Variants in MYT1L observed in about 807,000 individuals in gnomAD.
MYT1L encodes the protein myelin transcription factor 1-like protein.
In MYT1L, 12 loss-of-function variants were observed where a neutral mutation model predicts 126.7. That is an observed-to-expected ratio of 0.09 (90% CI 0.06 to 0.15). The LOEUF (loss-of-function observed/expected upper bound fraction) is 0.15. Among genes scored for constraint, MYT1L ranks in the 10% least tolerant of loss-of-function variants. The pLI is 1.00. For missense variants in MYT1L, 979 were observed against 1,585.2 expected (o/e 0.62, Z 6.49); for synonymous variants, 541 against 604.2 (o/e 0.90, Z 1.53).
chr2:1,856,073 A>AAAAAC (rs906967577), intron 18 of MYT1L, among the ~76,000 whole-genome samples: 2 of 152,204 alleles, frequency 1.3e-5, no homozygotes, highest in African/African-American at 4.8e-5. Flanking sequence ...CGAATTCTAA[A>AAAAAC]AAAACAAAAC....
rs1260800536 is a variant in MYT1L at position 1,887,705 on chromosome 2, T to C, written c.2521-96A>G. ...TGGCTCTGGGGTGGCCTCTACATCT[T>C]ACACCTCTTTCTGCTGTACCTTTAA... On this transcript the variant is annotated intron_variant, in intron 16 of 24. Transcript: ENST00000647738. The surrounding 1 kb of genome is among the most constrained non-coding windows in gnomAD (Gnocchi z 4.8). 4.9e-6 allele frequency: 7 copies of C among 1,414,848 alleles called. No homozygotes were observed. The highest frequency in any genetic ancestry group is 5.9e-6 in the Non-Finnish European group (6 of 1,011,796). 87.6% of individuals were successfully genotyped at this position (1,414,848 alleles called of 1,614,324 possible).
At chr2:2,169,489 A>G (rs550992575) in intron 3 of MYT1L, among the ~76,000 whole-genome samples, 6 of 152,302 alleles carry the variant, frequency 3.9e-5, no homozygotes, top group Admixed American at 3.3e-4. Context: ...AGGCAAACAT[A>G]AGGAGGCTTT....
chr2:2,262,696 A>AG (rs1187607205), intron 2 of MYT1L, among the ~76,000 whole-genome samples: 1 of 150,858 alleles, frequency 6.6e-6, no homozygotes, highest in Non-Finnish European at 1.5e-5. Flanking sequence ...CCATCTCAAA[A>AG]AAAAAAAAAA....
intron 8 of MYT1L, among the ~76,000 whole-genome samples, chr2:1,959,317 A>G (rs1484988471): frequency 1.3e-5 from 2 of 152,126 alleles, no homozygotes; most frequent in Non-Finnish European, 2.9e-5. Context: ...CCAAACTCAG[A>G]CCGTCTGGAT....
chr2:2,034,027 T>A (rs1432651010), intron 4 of MYT1L, among the ~76,000 whole-genome samples: 1 of 151,912 alleles, frequency 6.6e-6, no homozygotes, highest in Non-Finnish European at 1.5e-5. Context: ...AGGGTGGGAG[T>A]TAGGGGCCTG....
intron 3 of MYT1L, among the ~76,000 whole-genome samples, chr2:2,080,381 T>C (rs563291982): frequency 9.9e-5 from 15 of 151,860 alleles, no homozygotes; most frequent in Middle Eastern, 3.4e-3. Flanking sequence ...ATCATGAAAA[T>C]GGAAAAACAA....
At chr2:2,114,455 C>G (rs1042432752) in intron 3 of MYT1L, among the ~76,000 whole-genome samples, 3 of 152,200 alleles carry the variant, frequency 2.0e-5, no homozygotes, top group African/African-American at 7.2e-5. Flanking sequence ...CTCAGAGAGT[C>G]CCCTTATAAT....
chr2:1,810,057 C>T lies in MYT1L; in HGVS notation c.3081-890G>A, dbSNP rs998960530. ...CTGGACGTGCTGGTCAACTGGAGTC[C>T]TCACTGTGCTAAAGGCCAGGGGCCA... On this transcript the variant is annotated intron_variant, in intron 21 of 24. Transcript: ENST00000647738. 11 of 152,230 alleles carry T rather than the reference C, an allele frequency of 7.2e-5. No individual in the cohort carries two copies. In the South Asian group the frequency reaches 8.3e-4, roughly 12 times the overall value. 9.4% of individuals were successfully genotyped at this position (152,230 alleles called of 1,614,324 possible). A position where few individuals can be genotyped will look rare whatever the true frequency, so the allele number is the denominator to read the frequency against.
chr2:2,256,150 G>A (rs888625), intron 2 of MYT1L, among the ~76,000 whole-genome samples: 2,509 of 152,296 alleles, frequency 0.016, 64 homozygotes, highest in African/African-American at 0.056. Flanking sequence ...CAGAGGCTCC[G>A]GGCTGTAGAT....
intron 18 of MYT1L, among the ~76,000 whole-genome samples, chr2:1,874,127 G>C (rs1305521710): frequency 6.6e-6 from 1 of 152,006 alleles, no homozygotes; most frequent in African/African-American, 2.4e-5. Context: ...CATGTTCTCA[G>C]CAACCCAATA....
chr2:2,280,218 A>G (rs1275325583), intron 2 of MYT1L, among the ~76,000 whole-genome samples: 2 of 152,350 alleles, frequency 1.3e-5, no homozygotes, highest in African/African-American at 2.4e-5. Flanking sequence ...TCCTGCTTAT[A>G]TGATGTCAAA....
chr2:1,890,863 C>G (rs900453582), intron 15 of MYT1L, among the ~76,000 whole-genome samples: 1 of 152,200 alleles, frequency 6.6e-6, no homozygotes, highest in African/African-American at 2.4e-5. Flanking sequence ...CAGTATCATT[C>G]TGCCTGAACT....
intron 8 of MYT1L, among the ~76,000 whole-genome samples, chr2:1,947,651 T>C (rs537481031): frequency 2.1e-4 from 32 of 152,306 alleles, no homozygotes; most frequent in African/African-American, 7.7e-4. Flanking sequence ...TCCTGGCAGC[T>C]GCCATGGCTC....
At chr2:1,800,414 A>C (rs2034613788) in intron 23 of MYT1L, 1 of 152,314 alleles carries the variant, frequency 6.6e-6, no homozygotes, top group Admixed American at 6.5e-5. Context: ...TGTGAGATCA[A>C]GGCAGTGATG....
chr2:1,903,941 G>T (rs1308867294), intron 13 of MYT1L, among the ~76,000 whole-genome samples: 1 of 152,246 alleles, frequency 6.6e-6, no homozygotes, highest in African/African-American at 2.4e-5. Flanking sequence ...GTGTGTGTGT[G>T]TGTGTGTGCG....
chr2:2,063,093 C>T (rs913463618), intron 3 of MYT1L, among the ~76,000 whole-genome samples: 2 of 152,166 alleles, frequency 1.3e-5, no homozygotes, highest in African/African-American at 4.8e-5. Flanking sequence ...CTTCTCACCT[C>T]TCTTGTGAGA....
At chr2:2,030,351 C>T (rs1459506779) in intron 4 of MYT1L, among the ~76,000 whole-genome samples, 1 of 152,172 alleles carries the variant, frequency 6.6e-6, no homozygotes, top group Non-Finnish European at 1.5e-5. Context: ...CCCGCCTCAG[C>T]CTCCCAAAGT....
At chr2:1,902,542 C>T (rs1322696913) in intron 14 of MYT1L, among the ~76,000 whole-genome samples, 2 of 152,136 alleles carry the variant, frequency 1.3e-5, no homozygotes, top group Non-Finnish European at 2.9e-5. Flanking sequence ...GTGCAGGGAG[C>T]ACCCCAGGGA....
chr2:2,225,450 G>A (rs779800027), intron 2 of MYT1L, among the ~76,000 whole-genome samples: 2 of 152,132 alleles, frequency 1.3e-5, no homozygotes, highest in Admixed American at 6.5e-5. Flanking sequence ...GTCTCGTCTC[G>A]GGCTAAATTC....
Sources: gnomAD v4.1 joint callset for allele counts (sites outside exome capture counted in the v4.1 genomes callset) on GRCh38, gnomAD v4.1.1 for gene constraint, Gnocchi (gnomAD v3.1) non-coding constraint, MANE v1.5 for transcripts, NCBI Gene and HGNC (gene_info 2026-07-23, HGNC 2026-07-21) for gene names.